SDK1: variants seen among roughly 807,000 people sequenced by gnomAD.
SDK1 encodes the protein protein sidekick-1.
SDK1 carries 157 observed loss-of-function variants against 245.5 expected under a neutral mutation model. The ratio of observed to expected loss-of-function variants is 0.64; its 90% CI spans 0.56 to 0.73. SDK1 has a LOEUF of 0.73. SDK1 is among the 30% of genes least tolerant of loss of function. SDK1 has a pLI of 0.00. For missense variants in SDK1, 3,583 were observed against 3,002.3 expected (o/e 1.19, Z -4.52); for synonymous variants, 1,647 against 1,278.5 (o/e 1.29, Z -6.15).
At chr7:4,241,943 C>A in intron 43 of SDK1, 30 bp downstream of exon 43, 1 of 1,607,742 alleles carries the variant, frequency 6.2e-7, no homozygotes, top group South Asian at 1.1e-5. Context: ...CTGCGCCCAC[C>A]TGGGGATCTG....
At chr7:3,930,189 A>G (rs1158171576) in intron 5 of SDK1, among the ~76,000 whole-genome samples, 3 of 152,104 alleles carry the variant, frequency 2.0e-5, no homozygotes, top group Admixed American at 1.3e-4. Flanking sequence ...ACCAGCTCCT[A>G]GGAGAGGTCT....
In SDK1 at chr7:3,707,844, G is replaced by A. The variant is rs10264365; in HGVS notation, c.713+65739G>A. On this transcript the variant is annotated intron_variant, in intron 4 of 44. Transcript: ENST00000404826. ...TTTTCTTTACTGTTGTTGCTTTAAA[G>A]TCTGTTTTATGTGATATAAGAATAG... 6.1e-3 allele frequency among the ~76,000 whole-genome samples: 926 copies of A among 152,126 alleles called. 12 individuals are homozygous for A. The highest frequency in any genetic ancestry group is 0.021 in the African/African-American group (890 of 41,498).
chr7:3,667,822 C>G (rs2128661672), intron 4 of SDK1, among the ~76,000 whole-genome samples: 1 of 152,274 alleles, frequency 6.6e-6, no homozygotes, highest in African/African-American at 2.4e-5. Context: ...TGTGCATGTA[C>G]CACAGCTTGT....
At chr7:3,745,650 A>C (rs1779594211) in intron 4 of SDK1, among the ~76,000 whole-genome samples, 1 of 151,722 alleles carries the variant, frequency 6.6e-6, no homozygotes, top group African/African-American at 2.4e-5. Flanking sequence ...TGACAGAGGA[A>C]CTCCCTCGAG....
At chr7:3,390,677 T>TA (rs1239486912) in intron 1 of SDK1, among the ~76,000 whole-genome samples, 4 of 152,124 alleles carry the variant, frequency 2.6e-5, no homozygotes, top group Non-Finnish European at 4.4e-5. Flanking sequence ...ACGCAGATAT[T>TA]GGAGTTATGC....
chr7:3,348,554 G>C (rs1348944739), intron 1 of SDK1, among the ~76,000 whole-genome samples: 3 of 152,286 alleles, frequency 2.0e-5, no homozygotes, highest in East Asian at 3.9e-4. Flanking sequence ...ACTAGAGCGG[G>C]AGGGAGGAAG....
intron 1 of SDK1, among the ~76,000 whole-genome samples, chr7:3,598,655 T>C (rs1455742951): frequency 1.3e-5 from 2 of 152,178 alleles, no homozygotes; most frequent in Admixed American, 1.3e-4. Context: ...CCCTAATCCC[T>C]TCTCTATTTC....
rs73294216 is a variant in SDK1, at chr7:3,366,165, A to G, written c.298+64281A>G. 9.8e-3 allele frequency among the ~76,000 whole-genome samples: 1,489 copies of G among 152,214 alleles called. 30 individuals carry two copies. Among genetic ancestry groups the G allele is most frequent in the African/African-American group, 0.034 (1,409 of 41,536 alleles). On this transcript the variant is annotated intron_variant, in intron 1 of 44. Transcript: ENST00000404826. ...CAATTTCTGGATTAATTCTTTCCATATAAATAGGTTTGAAGTCAAAATTAA... is the reference window on the plus strand; with the variant it reads ...CAATTTCTGGATTAATTCTTTCCATGTAAATAGGTTTGAAGTCAAAATTAA...
At chr7:3,927,310 G>C (rs1779807215) in intron 5 of SDK1, among the ~76,000 whole-genome samples, 1 of 151,954 alleles carries the variant, frequency 6.6e-6, no homozygotes, top group Non-Finnish European at 1.5e-5. Context: ...AGGAAATGTT[G>C]GGCCCTTTAG....
chr7:3,384,910 A>T (rs764053868), intron 1 of SDK1, among the ~76,000 whole-genome samples: 8 of 152,170 alleles, frequency 5.3e-5, no homozygotes, highest in Non-Finnish European at 1.2e-4. Flanking sequence ...GAGTAAATGG[A>T]TGAGAGAGTT....
chr7:4,145,768 C>T lies in SDK1; in HGVS notation c.4275C>T (p.Phe1425=). The T allele has an allele frequency of 6.2e-7, 1 of 1,613,090 alleles. No homozygotes were observed. The highest frequency in any genetic ancestry group is 8.5e-7 in the Non-Finnish European group (1 of 1,179,570). ...YRLASSSPHT[F]TTVEVGATVR... ...TGGCCAGCAGCAGCCCCCACACCTT[C>T]ACCACCGTGGAGGTCGGCGCCACAG... The change falls in exon 29 of 45, where the codon TTC becomes TTT. Residue 1425 remains phenylalanine, a synonymous_variant. Coordinates refer to ENST00000404826, the MANE Select transcript of SDK1 (RefSeq NM_152744.4).
At chr7:3,803,633 G>C (rs191283521) in intron 4 of SDK1, among the ~76,000 whole-genome samples, 3 of 151,500 alleles carry the variant, frequency 2.0e-5, no homozygotes, top group African/African-American at 7.3e-5. Flanking sequence ...TTTCTAATTG[G>C]ATTTTTTTAA....
intron 4 of SDK1, among the ~76,000 whole-genome samples, chr7:3,678,404 T>C (rs569236247): frequency 1.1e-4 from 17 of 152,318 alleles, no homozygotes; most frequent in African/African-American, 3.6e-4. Flanking sequence ...TAACAAAATA[T>C]GGTCTGTAGG....
intron 1 of SDK1, among the ~76,000 whole-genome samples, chr7:3,496,374 A>T (rs1343446967): frequency 1.3e-5 from 2 of 152,056 alleles, no homozygotes; most frequent in Non-Finnish European, 2.9e-5. Context: ...ACAGATTCTG[A>T]ATAAAGCCAT....
At chr7:4,264,762 G>A (rs1788346436) in intron 44 of SDK1, among the ~76,000 whole-genome samples, 1 of 152,022 alleles carries the variant, frequency 6.6e-6, no homozygotes, top group East Asian at 1.9e-4. Context: ...GAGTGAGGGA[G>A]GCCGTGTAGA....
At chr7:4,174,638 G>C (rs375586095) in intron 33 of SDK1, among the ~76,000 whole-genome samples, 1 of 152,152 alleles carries the variant, frequency 6.6e-6, no homozygotes, top group African/African-American at 2.4e-5. Context: ...CACTCTACCG[G>C]CGTCAGTGGG....
At chr7:3,588,048 A>T (rs891209066) in intron 1 of SDK1, among the ~76,000 whole-genome samples, 5 of 152,204 alleles carry the variant, frequency 3.3e-5, no homozygotes, top group Admixed American at 3.3e-4. Context: ...TGTAGTAGGG[A>T]TGTTCAGCAT....
chr7:3,778,921 C>G (rs1426280493), intron 4 of SDK1, among the ~76,000 whole-genome samples: 2 of 152,166 alleles, frequency 1.3e-5, no homozygotes, highest in African/African-American at 4.8e-5. Context: ...TGGTTTCAGA[C>G]TAAAGAATCT....
intron 4 of SDK1, among the ~76,000 whole-genome samples, chr7:3,806,554 C>T (rs922458367): frequency 8.5e-5 from 13 of 152,226 alleles, no homozygotes; most frequent in Admixed American, 7.2e-4. Context: ...TTTTCTGTGG[C>T]CTTTGGTCCT....
Sources: gnomAD v4.1 joint callset for allele counts (sites outside exome capture counted in the v4.1 genomes callset) on GRCh38, gnomAD v4.1.1 for gene constraint, MANE v1.5 for transcripts, NCBI Gene and HGNC (gene_info 2026-07-23, HGNC 2026-07-21) for gene names.